KPNA6: variants seen among roughly 807,000 people sequenced by gnomAD.
KPNA6 encodes importin subunit alpha-7.
KPNA6 carries 9 observed loss-of-function variants against 72.0 expected under a neutral mutation model. The ratio of observed to expected loss-of-function variants is 0.13; its 90% CI spans 0.08 to 0.22. The LOEUF (loss-of-function observed/expected upper bound fraction) is 0.22. Ranked by LOEUF, KPNA6 falls within the 10% of genes least tolerant of loss-of-function variation. The pLI is 1.00. For synonymous variants in KPNA6, 219 were observed against 242.1 expected, an observed-to-expected ratio of 0.90 and a Z score of 0.89; for missense variants, 374 against 655.7, an observed-to-expected ratio of 0.57 and a Z score of 4.69.
At chr1:32,161,281 T>C (rs371580645) in intron 7 of KPNA6, among the ~76,000 whole-genome samples, 9 of 152,214 alleles carry the variant, frequency 5.9e-5, no homozygotes, top group African/African-American at 1.9e-4. Flanking sequence ...GAGGCAGGAC[T>C]AGCCCACCTG....
intron 1 of KPNA6, among the ~76,000 whole-genome samples, chr1:32,112,481 C>A (rs956418964): frequency 2.6e-5 from 4 of 151,848 alleles, no homozygotes; most frequent in Non-Finnish European, 5.9e-5. Flanking sequence ...AGTAAAAGTA[C>A]CTCTTTTATT....
At chr1:32,145,127 G>T (rs1033485721) in intron 1 of KPNA6, among the ~76,000 whole-genome samples, 4 of 151,160 alleles carry the variant, frequency 2.6e-5, no homozygotes, top group Admixed American at 2.6e-4. Context: ...TAATTTTTTT[G>T]TTGTTGTATT....
intron 1 of KPNA6, among the ~76,000 whole-genome samples, chr1:32,150,011 C>T (rs769887415): frequency 6.6e-6 from 1 of 151,456 alleles, no homozygotes; most frequent in African/African-American, 2.4e-5. Flanking sequence ...TTTTATCTAT[C>T]GCTGCTTTTC....
chr1:32,131,567 A>G (rs556637793), intron 1 of KPNA6, among the ~76,000 whole-genome samples: 7 of 152,048 alleles, frequency 4.6e-5, no homozygotes, highest in African/African-American at 1.7e-4. Context: ...ACATACACAC[A>G]TATATGTATG....
chr1:32,151,584 C>T (rs1642033519), intron 1 of KPNA6, among the ~76,000 whole-genome samples: 1 of 152,316 alleles, frequency 6.6e-6, no homozygotes, highest in South Asian at 2.1e-4. Context: ...CTAGTCTCTC[C>T]TCCACTGGTG....
Position 32,161,961 on chromosome 1 carries a change from C to T in KPNA6, c.662C>T (p.Ser221Phe). 6.2e-7 allele frequency: 1 copy of T among 1,613,996 alleles called. No individual in the cohort carries two copies. The highest frequency in any genetic ancestry group is 8.5e-7 in the Non-Finnish European group (1 of 1,179,926). Residue 221 changes from serine (S) to phenylalanine (F), a missense_variant, in exon 8 of 14, where the codon TCC becomes TTC. Physicochemically the swap from Ser to Phe is radical, Grantham distance 155 (BLOSUM62 -2). This residue lies in a region of KPNA6 where 298 missense variants were observed against 495.4 expected (regional missense o/e 0.60). Transcript: ENST00000373625. ...GTTTCCTTCAGACTCCTTACCAAGTCCACACGACTGACGATGACACGGAAT... is the reference window on the plus strand; with the variant it reads ...GTTTCCTTCAGACTCCTTACCAAGTTCACACGACTGACGATGACACGGAAT... ...LNPLLTLLTKSTRLTMTRNAV... is the reference protein window; with the variant it reads ...LNPLLTLLTKFTRLTMTRNAV...
chr1:32,113,128 C>T (rs768811546), intron 1 of KPNA6, among the ~76,000 whole-genome samples: 7 of 152,142 alleles, frequency 4.6e-5, no homozygotes, highest in Non-Finnish European at 7.3e-5. Context: ...TGGTGGCTCA[C>T]GCCTATGATG....
rs34416235 is a variant in KPNA6 at position 32,117,491 on chromosome 1, TAA to T, written c.4+9364_4+9365del. Reference sequence around the variant, plus strand: ...CCGGCCCAATTTGTTTTTTTTTTTTTAAAAAAAACACACATTGGCTGGGTATG... The same window carrying T: ...CCGGCCCAATTTGTTTTTTTTTTTTTAAAAAACACACATTGGCTGGGTATG... On this transcript the variant is annotated intron_variant, in intron 1 of 13. Transcript: ENST00000373625. Among the ~76,000 whole-genome samples the T allele has an allele frequency of 5.4e-3, 815 of 149,758 alleles. 13 individuals carry two copies. The highest frequency in any genetic ancestry group is 0.019 in the African/African-American group (779 of 40,782).
intron 2 of KPNA6, among the ~76,000 whole-genome samples, chr1:32,155,861 T>A (rs1466692008): frequency 6.6e-6 from 1 of 150,612 alleles, no homozygotes; most frequent in Admixed American, 6.6e-5. Flanking sequence ...TTCCTCAGCC[T>A]CCTGCATAGC....
chr1:32,166,322 C>T, intron 11 of KPNA6, 92 bp downstream of exon 11: 1 of 1,465,018 alleles, frequency 6.8e-7, no homozygotes, highest in Non-Finnish European at 9.2e-7. Flanking sequence ...GAATTTGTTT[C>T]CCTTTAAAAA....
chr1:32,147,263 C>T (rs993191975), intron 1 of KPNA6, among the ~76,000 whole-genome samples: 1 of 152,054 alleles, frequency 6.6e-6, no homozygotes, highest in South Asian at 2.1e-4. Flanking sequence ...TCTTGCTTGA[C>T]GGTTTTTCTT....
Position 32,175,720 on chromosome 1 carries a change from T to G in KPNA6, c.*4826T>G, listed in dbSNP as rs1224000207. On this transcript the variant is annotated 3_prime_UTR_variant, in exon 14 of 14. Transcript: ENST00000373625. ...ATCACTTGAACCCAGGAGGCGGAGG[T>G]TGCAGTGAGCCAAGATCATGCCACT... is the stretch of plus-strand genomic sequence containing the variant. The G allele has an allele frequency of 6.8e-6, 1 of 146,256 alleles. No homozygotes were observed. Among genetic ancestry groups the G allele is most frequent in the Non-Finnish European group, 1.5e-5 (1 of 67,132 alleles). 9.1% of individuals were successfully genotyped at this position (146,256 alleles called of 1,614,324 possible).
intron 1 of KPNA6, among the ~76,000 whole-genome samples, chr1:32,110,169 A>G (rs1234918460): frequency 6.7e-6 from 1 of 149,012 alleles, no homozygotes; most frequent in Non-Finnish European, 1.5e-5. Context: ...GGTTAAAGCA[A>G]TTTTCCTGCC....
Position 32,157,427 on chromosome 1 carries a change from C to A in KPNA6, c.313C>A (p.Arg105=). 1 of 1,613,464 alleles carries A rather than the reference C, an allele frequency of 6.2e-7. No individual in the cohort carries two copies. The highest frequency in any genetic ancestry group is 8.5e-7 in the Non-Finnish European group (1 of 1,179,448). Residue 105 remains arginine (R), a synonymous_variant, in exon 4 of 14, where the codon CGG becomes AGG. Coordinates refer to ENST00000373625, the MANE Select transcript of KPNA6 (RefSeq NM_012316.5). ...DLQLATTQKF[R]KLLSKEPSPP... ...GCAGTTAGCAACCACACAGAAATTC[C>A]GGAAACTGCTCTCCAAAGGTACAAA...
At chr1:32,119,032 A>ATATATATATATATATATTTT (rs1167325052) in intron 1 of KPNA6, among the ~76,000 whole-genome samples, 1 of 40,274 alleles carries the variant, frequency 2.5e-5, no homozygotes, top group Non-Finnish European at 4.1e-5. Flanking sequence ...ATATATATAT[A>ATATATATATATATATATTTT]TTTTTTTTTT....
rs983112060 is a variant in KPNA6, at chr1:32,165,538, G to A, written c.991-567G>A. On this transcript the variant is annotated intron_variant, in intron 10 of 13. Transcript: ENST00000373625. ...CCCTGTCTCTACAAAAAAAAAAAAT[G>A]TTTTTTAATTAGCAGAGTGCGGTGG... Among the ~76,000 whole-genome samples, 3 of 151,718 alleles carry A rather than the reference G, an allele frequency of 2.0e-5. No individual in the cohort carries two copies. In the East Asian group the frequency reaches 5.9e-4, roughly 30 times the overall value.
chr1:32,141,100 T>C (rs1381379543), intron 1 of KPNA6, among the ~76,000 whole-genome samples: 1 of 152,130 alleles, frequency 6.6e-6, no homozygotes, highest in Non-Finnish European at 1.5e-5. Context: ...GGTTTGTGGT[T>C]GGTTGGATCT....
chr1:32,146,634 A>G (rs942437312), intron 1 of KPNA6, among the ~76,000 whole-genome samples: 4 of 152,188 alleles, frequency 2.6e-5, no homozygotes, highest in Non-Finnish European at 5.9e-5. Flanking sequence ...TTGTCATCAC[A>G]CATTTTATGT....
intron 2 of KPNA6, among the ~76,000 whole-genome samples, chr1:32,155,945 C>G (rs1446871163): frequency 1.0e-5 from 1 of 98,202 alleles, no homozygotes; most frequent in Non-Finnish European, 1.9e-5. Context: ...TTTGTACAGA[C>G]AGGGTTTTGC....
Sources: allele counts gnomAD v4.1 joint callset (sites outside exome capture counted in the v4.1 genomes callset), GRCh38; gene constraint gnomAD v4.1.1; regional missense constraint gnomAD v4.1.1; transcripts MANE v1.5; gene names NCBI Gene and HGNC (gene_info 2026-07-23, HGNC 2026-07-21).